Variants in SRSF10 observed in about 807,000 individuals in gnomAD.
The protein encoded by SRSF10 is serine/arginine-rich splicing factor 10.
SRSF10 carries 9 observed loss-of-function variants against 32.6 expected under a neutral mutation model. That is an observed-to-expected ratio of 0.28 (90% CI 0.17 to 0.48). The LOEUF (loss-of-function observed/expected upper bound fraction) is 0.48. SRSF10 is among the 20% of genes least tolerant of loss of function. The pLI is 0.99. For synonymous variants in SRSF10, 105 were observed against 112.4 expected (o/e 0.93, Z 0.42); for missense variants, 201 against 331.8 (o/e 0.61, Z 3.06).
At chr1:23,978,883 C>T (rs1570793779) in intron 1 of SRSF10, 66 bp from the exon 2 acceptor site, 7 of 1,382,034 alleles carry the variant, frequency 5.1e-6, no homozygotes, top group Non-Finnish European at 5.9e-6. Context: ...GGCAATATAT[C>T]TTTTTGATGA....
In SRSF10 at chr1:23,972,025, AAG is replaced by A. The variant is rs1260181420; in HGVS notation, c.275-15_275-14del. On this transcript the variant is annotated splice_polypyrimidine_tract_variant and intron_variant, in intron 3 of 5. Coordinates refer to ENST00000492112, the MANE Select transcript of SRSF10 (RefSeq NM_054016.4). ...ATCTGATTTGGTGCTAGGAAATACAAAGAACAGAAATATTTAAAAATATTAAA... is the reference window on the plus strand; with the variant it reads ...ATCTGATTTGGTGCTAGGAAATACAAAACAGAAATATTTAAAAATATTAAA... 3 of 1,466,302 alleles carry A rather than the reference AAG, an allele frequency of 2.0e-6. No individual in the cohort carries two copies. The highest frequency in any genetic ancestry group is 2.7e-6 in the Non-Finnish European group (3 of 1,112,494). 90.8% of individuals were successfully genotyped at this position (1,466,302 alleles called of 1,614,324 possible). A position where few individuals can be genotyped will look rare whatever the true frequency, so the allele number is the denominator to read the frequency against.
rs1641371815 is a variant in SRSF10, at chr1:23,964,775, T to A, written c.*6367A>T. The A allele has an allele frequency of 2.6e-5, 4 of 151,980 alleles. No individual in the cohort carries two copies. The highest frequency in any genetic ancestry group is 4.4e-5 in the Non-Finnish European group (3 of 67,878). 9.4% of individuals were successfully genotyped at this position (151,980 alleles called of 1,614,324 possible). A position where few individuals can be genotyped will look rare whatever the true frequency, so the allele number is the denominator to read the frequency against. ...AGTTGTACCCAGGTGGTTACAAATC[T>A]AAGAGCAAAATCTTAAAAAAACCCA... On this transcript the variant is annotated 3_prime_UTR_variant, in exon 6 of 6. Transcript: ENST00000492112.
chr1:23,972,431 CTTT>C (rs202083801), intron 3 of SRSF10, among the ~76,000 whole-genome samples: 3 of 148,102 alleles, frequency 2.0e-5, no homozygotes, highest in African/African-American at 7.5e-5. Flanking sequence ...GTTTTGGTGT[CTTT>C]TTTTTTTAAT....
chr1:23,972,088 A>G (rs1401283273), intron 3 of SRSF10, 76 bp from the exon 4 acceptor site: 1 of 1,268,854 alleles, frequency 7.9e-7, no homozygotes, highest in Non-Finnish European at 1.0e-6. Flanking sequence ...AGGGAAAAAA[A>G]TCCCTGCATC....
At chr1:23,976,714 AG>A (rs1269849444) in intron 2 of SRSF10, 4 of 152,370 alleles carry the variant, frequency 2.6e-5, no homozygotes, top group African/African-American at 7.2e-5. Context: ...AGCCAGGGAT[AG>A]GAAGAAAAGG....
In SRSF10 at chr1:23,970,300, G is replaced by A; in HGVS notation, c.*842C>T. On this transcript the variant is annotated 3_prime_UTR_variant, in exon 6 of 6. Coordinates refer to ENST00000492112, the MANE Select transcript of SRSF10 (RefSeq NM_054016.4). ...AGCTGGCATCATTCCCCAAGACAGT[G>A]GGGTTAACAAAAGAACTAATCCACA... 1.0e-6 allele frequency: 1 copy of A among 984,654 alleles called. No homozygotes were observed. Among genetic ancestry groups the A allele is most frequent in the Non-Finnish European group, 1.2e-6 (1 of 829,844 alleles). The allele number at this position is 984,654 out of a possible 1,614,324, so 61.0% of individuals were successfully genotyped here.
intron 2 of SRSF10, chr1:23,977,980 G>GTCA: frequency 1.0e-6 from 1 of 985,138 alleles, no homozygotes; most frequent in Non-Finnish European, 1.2e-6. Flanking sequence ...TTAAGTGCTT[G>GTCA]TCAGAAGGAC....
At chr1:23,978,896 G>A in intron 1 of SRSF10, 79 bp from the exon 2 acceptor site, 1 of 1,285,310 alleles carries the variant, frequency 7.8e-7, no homozygotes, top group Non-Finnish European at 1.1e-6. Context: ...TTTGATGAAG[G>A]AAAGCTAGGA....
intron 3 of SRSF10, 51 bp downstream of exon 3, chr1:23,974,923 C>A: frequency 7.4e-7 from 1 of 1,347,168 alleles, no homozygotes; most frequent in Non-Finnish European, 1.0e-6. Context: ...AAAAAAATCT[C>A]AAAACACTAA....
rs1183546605 is a variant in SRSF10, at chr1:23,965,483, G to A, written c.*5659C>T. 1 of 151,920 alleles carries A rather than the reference G, an allele frequency of 6.6e-6. No individual in the cohort carries two copies. The highest frequency in any genetic ancestry group is 1.5e-5 in the Non-Finnish European group (1 of 67,842). 9.4% of individuals were successfully genotyped at this position (151,920 alleles called of 1,614,324 possible). On this transcript the variant is annotated 3_prime_UTR_variant, in exon 6 of 6. Transcript: ENST00000492112. ...TTGTGAGAAATGAATAGCATAATATGCAAGAAGCTATCACATGATGGGTAT... is the reference window on the plus strand; with the variant it reads ...TTGTGAGAAATGAATAGCATAATATACAAGAAGCTATCACATGATGGGTAT...
chr1:23,965,215 G>C lies in SRSF10; in HGVS notation c.*5927C>G, dbSNP rs1027815762. 9.9e-5 allele frequency: 15 copies of C among 151,988 alleles called. No individual in the cohort carries two copies. The highest frequency in any genetic ancestry group is 2.0e-4 in the Admixed American group (3 of 15,264). 9.4% of individuals were successfully genotyped at this position (151,988 alleles called of 1,614,324 possible). Reference sequence around the variant, plus strand: ...GATAGGCTAACTATAGGCTTTGCTAGTCCTCCTTCCTAATAGAATGCCCTC... The same window carrying C: ...GATAGGCTAACTATAGGCTTTGCTACTCCTCCTTCCTAATAGAATGCCCTC... On this transcript the variant is annotated 3_prime_UTR_variant, in exon 6 of 6. Coordinates refer to ENST00000492112, the MANE Select transcript of SRSF10 (RefSeq NM_054016.4).
intron 3 of SRSF10, among the ~76,000 whole-genome samples, chr1:23,972,501 C>T (rs1238194909): frequency 4.6e-5 from 7 of 151,768 alleles, no homozygotes; most frequent in South Asian, 4.2e-4. Context: ...AATGCAGTGG[C>T]GCAATCTCAA....
rs1458938763 is a variant in SRSF10, at chr1:23,966,030, C to T, written c.*5112G>A. ...TAGTCACTTTGACTCTAAGTAAATTCTAGATCCCATTATATCAATGTTACT... is the reference window on the plus strand; with the variant it reads ...TAGTCACTTTGACTCTAAGTAAATTTTAGATCCCATTATATCAATGTTACT... On this transcript the variant is annotated 3_prime_UTR_variant, in exon 6 of 6. Transcript: ENST00000492112. 1.3e-5 allele frequency: 2 copies of T among 151,842 alleles called. No individual in the cohort carries two copies. Among genetic ancestry groups the T allele is most frequent in the Non-Finnish European group, 2.9e-5 (2 of 67,806 alleles). 9.4% of individuals were successfully genotyped at this position (151,842 alleles called of 1,614,324 possible). A position where few individuals can be genotyped will look rare whatever the true frequency, so the allele number is the denominator to read the frequency against.
At position 23,970,071 on chromosome 1, in the gene SRSF10, CTA is replaced by C. The variant is rs1378761591; in HGVS notation, c.*1069_*1070del. On this transcript the variant is annotated 3_prime_UTR_variant, in exon 6 of 6. Transcript: ENST00000492112. The stretch of plus-strand genomic sequence containing the variant: ...TACTTACTTAACAGCAGTAAGAAAA[CTA>C]AGCAATATTATGGTCAACAACGCTC... 6 of 985,266 alleles carry C rather than the reference CTA, an allele frequency of 6.1e-6. No individual in the cohort carries two copies. The East Asian group carries it at 5.7e-4, about 93-fold the overall frequency. The allele number at this position is 985,266 out of a possible 1,614,324, so 61.0% of individuals were successfully genotyped here.
chr1:23,971,372 G>A lies in SRSF10; in HGVS notation c.559C>T (p.Pro187Ser). The A allele has an allele frequency of 6.2e-7, 1 of 1,612,524 alleles. No homozygotes were observed. Among genetic ancestry groups the A allele is most frequent in the South Asian group, 1.1e-5 (1 of 90,998 alleles). ...SNSRSRSKSQ[P>S]KKEMKAKSRS... ...GATTTAGCCTTCATTTCTTTCTTGG[G>A]CTGGGACTTGGACCGTGATCTTGAA... The change falls in exon 6 of 6, where the codon CCC becomes TCC. Residue 187 changes from proline to serine, a missense_variant. Physicochemically the swap from Pro to Ser is moderately conservative, Grantham distance 74 (BLOSUM62 -1). Around this residue, in one of 3 missense-constraint regions of SRSF10, gnomAD observed 159 missense variants for 196.7 expected, o/e 0.81. Coordinates refer to ENST00000492112, the MANE Select transcript of SRSF10 (RefSeq NM_054016.4).
At chr1:23,971,729 AT>A (rs1420027265) in intron 4 of SRSF10, 103 bp from the exon 5 acceptor site, 9 of 1,509,596 alleles carry the variant, frequency 6.0e-6, no homozygotes, top group Non-Finnish European at 8.1e-6. Flanking sequence ...ATGCTACAGT[AT>A]TTTTTGTCTC....
chr1:23,980,115 T>G (rs978367418), intron 1 of SRSF10, 76 bp downstream of exon 1: 2 of 1,439,040 alleles, frequency 1.4e-6, no homozygotes, highest in East Asian at 2.9e-5. Flanking sequence ...CCCGGCCCAG[T>G]GCCGCCACCA....
rs1641773811 is a variant in SRSF10, at chr1:23,971,833, C to T, written c.437+17G>A. ...TACATTTTTTAAACAGATCACTGTG[C>T]TACACAGCACACTTACTTTCTAGGA... On this transcript the variant is annotated intron_variant, in intron 4 of 5. Transcript: ENST00000492112. 1 of 1,593,808 alleles carries T rather than the reference C, an allele frequency of 6.3e-7. No homozygotes were observed. The highest frequency in any genetic ancestry group is 1.9e-5 in the Admixed American group (1 of 53,312).
rs1641429970 is a variant in SRSF10 at position 23,965,964 on chromosome 1, T to TGTA, written c.*5175_*5177dup. 6.6e-6 allele frequency: 1 copy of TGTA among 151,920 alleles called. No homozygotes were observed. The highest frequency in any genetic ancestry group is 2.4e-5 in the African/African-American group (1 of 41,408). The allele number at this position is 151,920 out of a possible 1,614,324, so 9.4% of individuals were successfully genotyped here. On this transcript the variant is annotated 3_prime_UTR_variant, in exon 6 of 6. Coordinates refer to ENST00000492112, the MANE Select transcript of SRSF10 (RefSeq NM_054016.4). ...CCATAAGAACCCCTATGTTAATGAG[T>TGTA]GTATAACGGTATACAACAAAATACT...
Sources: allele counts gnomAD v4.1 joint callset (sites outside exome capture counted in the v4.1 genomes callset), GRCh38; gene constraint gnomAD v4.1.1; regional missense constraint gnomAD v4.1.1; transcripts MANE v1.5; gene names NCBI Gene and HGNC (gene_info 2026-07-23, HGNC 2026-07-21).